The following C6orf62 variants were observed in gnomAD, a reference collection of about 807,000 sequenced individuals.
C6orf62 encodes chromosome 6 open reading frame 62.
A neutral mutation model predicts 26.8 loss-of-function variants in C6orf62; 16 were observed. The observed-to-expected ratio is 0.60, with a 90% CI of 0.40 to 0.91. The LOEUF is 0.91. C6orf62 is among the 40% of genes least tolerant of loss of function. The pLI is 0.00. For synonymous variants in C6orf62, 112 were observed against 91.5 expected (o/e 1.22, Z -1.28); for missense variants, 192 against 271.4 (o/e 0.71, Z 2.06).
At chr6:24,714,942 A>G (rs772411237) in intron 2 of C6orf62, among the ~76,000 whole-genome samples, 4 of 151,824 alleles carry the variant, frequency 2.6e-5, no homozygotes, top group Non-Finnish European at 4.4e-5. Flanking sequence ...TATCTTACAG[A>G]GAGTCACATA....
At position 24,706,145 on chromosome 6, in the gene C6orf62, G is replaced by C. The variant is rs777605413; in HGVS notation, c.682C>G (p.Pro228Ala). 6.2e-7 allele frequency: 1 copy of C among 1,614,144 alleles called. No homozygotes were observed. The highest frequency in any genetic ancestry group is 2.2e-5 in the East Asian group (1 of 44,878). ...TIEDHLRPYM[P>A]E is the part of the protein sequence containing the mutation. ...TTTTGCTGGTCAGTACTCTACTCTG[G>C]CATATAAGGACGGAGGTGATCCTCT... is the stretch of plus-strand genomic sequence containing the variant. The change falls in exon 5 of 5, where the codon CCA (proline) becomes GCA (alanine). Residue 228 changes from proline (P) to alanine (A), a missense_variant. Transcript: ENST00000378119.
upstream of C6orf62, chr6:24,720,302 G>T (rs983707067): frequency 1.7e-5 from 22 of 1,311,296 alleles, no homozygotes; most frequent in Middle Eastern, 2.9e-4. Context: ...GGCGGCGGGG[G>T]CGCTGCTGGT....
At position 24,718,923 on chromosome 6, in the gene C6orf62, GGAGGAAAGA is replaced by G. The variant is rs1217779271; in HGVS notation, c.-264_-256del. The stretch of plus-strand genomic sequence containing the variant: ...ACGTTTGGGGTCAGACGGGAAAAAG[GGAGGAAAGA>G]AAGGAAAGAAAGAGGAGAAAATAAC... On this transcript the variant is annotated 5_prime_UTR_variant, in exon 1 of 5. Transcript: ENST00000378119. 1.6e-6 allele frequency: 2 copies of G among 1,274,064 alleles called. No individual in the cohort carries two copies. Among genetic ancestry groups the G allele is most frequent in the African/African-American group, 1.6e-5 (1 of 64,296 alleles). 78.9% of individuals were successfully genotyped at this position (1,274,064 alleles called of 1,614,324 possible).
chr6:24,714,521 CT>C (rs1779186830), intron 2 of C6orf62, 81 bp from the exon 3 acceptor site: 3 of 1,028,318 alleles, frequency 2.9e-6, no homozygotes, highest in Non-Finnish European at 4.2e-6. Flanking sequence ...TAGGGTTCCC[CT>C]ATAAAAACAT....
intron 4 of C6orf62, among the ~76,000 whole-genome samples, chr6:24,707,732 G>A (rs549750262): frequency 5.3e-5 from 8 of 152,110 alleles, no homozygotes; most frequent in East Asian, 1.9e-4. Context: ...AGCCGGTTGC[G>A]GTGGCTCACG....
chr6:24,718,098 T>C (rs1435179512), intron 1 of C6orf62, among the ~76,000 whole-genome samples: 1 of 152,224 alleles, frequency 6.6e-6, no homozygotes, highest in East Asian at 1.9e-4. Flanking sequence ...TCATTAAATG[T>C]AAGAGAAAAG....
intron 4 of C6orf62, chr6:24,707,292 G>C (rs1343573238): frequency 1.3e-5 from 2 of 151,978 alleles, no homozygotes; most frequent in Non-Finnish European, 2.9e-5. Context: ...GCAAGTGGCT[G>C]CATCTAAAAA....
upstream of C6orf62, chr6:24,719,576 A>C: frequency 1.5e-6 from 2 of 1,321,140 alleles, no homozygotes; most frequent in Non-Finnish European, 1.9e-6. Context: ...GAAAAGGGGT[A>C]TATAATACGG....
At chr6:24,719,155 C>CA (rs5875002), upstream of C6orf62, 71,612 of 837,550 alleles carry the variant, frequency 0.086, 8 homozygotes, top group Non-Finnish European at 0.092. Flanking sequence ...CCTTGCTTTC[C>CA]AAAAAAAAAA....
upstream of C6orf62, chr6:24,719,157 A>G (rs1313995415): frequency 6.3e-5 from 10 of 158,578 alleles, no homozygotes; most frequent in Middle Eastern, 3.5e-3. Flanking sequence ...TTGCTTTCCA[A>G]AAAAAAAAAA....
chr6:24,719,761 G>C (rs987558694), upstream of C6orf62: 31 of 1,543,320 alleles, frequency 2.0e-5, no homozygotes, highest in Non-Finnish European at 2.4e-5. Flanking sequence ...CAAAGGTGGC[G>C]GGTTCTTCTC....
chr6:24,719,676 G>C (rs1181445682), upstream of C6orf62: 6 of 1,469,994 alleles, frequency 4.1e-6, no homozygotes, highest in Non-Finnish European at 4.5e-6. Flanking sequence ...TTCCCCAAGG[G>C]AGACTTCCCT....
chr6:24,719,886 T>C, upstream of C6orf62: 1 of 1,491,502 alleles, frequency 6.7e-7, no homozygotes, highest in Non-Finnish European at 9.0e-7. Context: ...ACAGGATCAC[T>C]CAGGTTTTCA....
rs1429038538 is a variant in C6orf62 at position 24,714,446 on chromosome 6, A to C, written c.307-6T>G. 1 of 1,544,746 alleles carries C rather than the reference A, an allele frequency of 6.5e-7. No homozygotes were observed. Among genetic ancestry groups the C allele is most frequent in the South Asian group, 1.2e-5 (1 of 82,346 alleles). On this transcript the variant is annotated splice_region_variant and splice_polypyrimidine_tract_variant and intron_variant, in intron 2 of 4. Coordinates refer to ENST00000378119, the MANE Select transcript of C6orf62 (RefSeq NM_030939.5). The stretch of plus-strand genomic sequence containing the variant: ...TGAGTACAGCCAATTACATCCTATA[A>C]AATGATTAAAAAAAAAAAAGTTTAC...
upstream of C6orf62, chr6:24,719,923 G>A: frequency 6.5e-7 from 1 of 1,548,686 alleles, no homozygotes; most frequent in Non-Finnish European, 8.7e-7. Flanking sequence ...AACAATTCCC[G>A]CCCGGGTGGA....
chr6:24,713,930 T>A (rs183933588), intron 3 of C6orf62, among the ~76,000 whole-genome samples: 115 of 152,346 alleles, frequency 7.5e-4, no homozygotes, highest in Middle Eastern at 6.8e-3. Context: ...TTCTACAAAA[T>A]GATTTCTTCA....
Position 24,710,195 on chromosome 6 carries a change from C to T in C6orf62, c.430-1284G>A, listed in dbSNP as rs1051499360. The T allele has an allele frequency of 5.1e-6, 5 of 984,952 alleles. No individual in the cohort carries two copies. In the African/African-American group the frequency reaches 7.0e-5, roughly 14 times the overall value. 61.0% of individuals were successfully genotyped at this position (984,952 alleles called of 1,614,324 possible). On this transcript the variant is annotated intron_variant, in intron 3 of 4. Coordinates refer to ENST00000378119, the MANE Select transcript of C6orf62 (RefSeq NM_030939.5). ...ATTATACTGCTGAAGAGGACAAGTA[C>T]AGCCAAATATAAAACCCAACTTGCT...
upstream of C6orf62, chr6:24,720,671 A>G (rs1335578893): frequency 6.5e-6 from 1 of 152,706 alleles, no homozygotes; most frequent in Non-Finnish European, 1.5e-5. Context: ...TTCCCCCTAC[A>G]GTCGGATTCC....
upstream of C6orf62, chr6:24,719,586 GTAT>G (rs1779311046): frequency 7.2e-7 from 1 of 1,383,314 alleles, no homozygotes; most frequent in Non-Finnish European, 9.3e-7. Context: ...ATATAATACG[GTAT>G]TAATTATTCC....
Sources: allele counts gnomAD v4.1 joint callset (sites outside exome capture counted in the v4.1 genomes callset), GRCh38; gene constraint gnomAD v4.1.1; transcripts MANE v1.5; gene names NCBI Gene and HGNC (gene_info 2026-07-23, HGNC 2026-07-21).